Variants in CPXM2 observed in about 807,000 individuals in gnomAD.
CPXM2 encodes carboxypeptidase X, M14 family member 2.
CPXM2 carries 66 observed loss-of-function variants against 86.1 expected under a neutral mutation model. The ratio of observed to expected loss-of-function variants is 0.77; its 90% CI spans 0.63 to 0.94. CPXM2 has a LOEUF of 0.94. CPXM2 is among the 40% of genes least tolerant of loss of function. The pLI, the probability that CPXM2 is intolerant of heterozygous loss-of-function variation, is 0.00. For synonymous variants in CPXM2, 388 were observed against 400.2 expected, an observed-to-expected ratio of 0.97 and a Z score of 0.36; for missense variants, 948 against 1,026.3, an observed-to-expected ratio of 0.92 and a Z score of 1.04.
chr10:123,914,027 A>C (rs772718910), intron 2 of CPXM2: 2 of 497,400 alleles, frequency 4.0e-6, no homozygotes, highest in Non-Finnish European at 8.1e-6. Context: ...TCAGAATCCA[A>C]CCTTAAAGGC....
intron 4 of CPXM2, among the ~76,000 whole-genome samples, chr10:123,824,090 CA>C (rs1847991470): frequency 2.0e-5 from 3 of 152,186 alleles, no homozygotes; most frequent in African/African-American, 4.8e-5. Flanking sequence ...GTTACACATT[CA>C]GAGCAGGACT....
intron 13 of CPXM2, among the ~76,000 whole-genome samples, chr10:123,753,472 C>T (rs1187868571): frequency 6.6e-6 from 1 of 152,202 alleles, no homozygotes; most frequent in East Asian, 1.9e-4. Context: ...AAGCCAAACC[C>T]CACTAACCCC....
intron 1 of CPXM2, among the ~76,000 whole-genome samples, chr10:123,881,298 G>T (rs1365427090): frequency 7.8e-6 from 1 of 128,842 alleles, no homozygotes; most frequent in East Asian, 2.1e-4. Flanking sequence ...TACTGATCCT[G>T]AACATCTCAG....
In CPXM2 at chr10:123,746,435, C is replaced by A; in HGVS notation, c.*329G>T. ...ACGCAAACAGGGGAAGCACCAGAAT[C>A]CTTTTCTATGCAGCCAGAGGCTCTG... On this transcript the variant is annotated 3_prime_UTR_variant, in exon 14 of 14. Coordinates refer to ENST00000241305, the MANE Select transcript of CPXM2 (RefSeq NM_198148.3). The A allele has an allele frequency of 9.2e-6, 3 of 325,510 alleles. No individual in the cohort carries two copies. The highest frequency in any genetic ancestry group is 1.7e-5 in the Non-Finnish European group (3 of 177,846). The allele number at this position is 325,510 out of a possible 1,614,324, so 20.2% of individuals were successfully genotyped here.
chr10:123,932,088 T>G (rs1405496132), intron 2 of CPXM2, among the ~76,000 whole-genome samples: 2 of 152,100 alleles, frequency 1.3e-5, no homozygotes, highest in African/African-American at 4.8e-5. Flanking sequence ...CAGGTGAAAC[T>G]GTACAAGAGG....
intron 4 of CPXM2, among the ~76,000 whole-genome samples, chr10:123,815,648 C>T (rs76884389): frequency 0.013 from 1,958 of 152,238 alleles, 44 homozygotes; most frequent in African/African-American, 0.045. Flanking sequence ...GATGGCTTCC[C>T]CTGAGGCAAT....
Position 123,811,150 on chromosome 10 carries a change from C to CT in CPXM2, c.654-11952dup, listed in dbSNP as rs372146234. 4.3e-3 allele frequency among the ~76,000 whole-genome samples: 621 copies of CT among 145,578 alleles called. 4 individuals carry two copies. Among genetic ancestry groups the CT allele is most frequent in the South Asian group, 0.017 (81 of 4,636 alleles). On this transcript the variant is annotated intron_variant, in intron 4 of 13. Transcript: ENST00000241305. ...AAAATCATTTTTTTTTTTCTTTTTT[C>CT]TTTTTTTTTTTATTATAATTTAAGT...
chr10:123,762,144 A>G lies in CPXM2; in HGVS notation c.1505T>C (p.Ile502Thr). The G allele has an allele frequency of 6.2e-7, 1 of 1,614,146 alleles. No individual in the cohort carries two copies. Among genetic ancestry groups the G allele is most frequent in the Non-Finnish European group, 8.5e-7 (1 of 1,180,038 alleles). ...ATVAAETRAV[I>T]AWMEKIPFVL... is the part of the protein sequence containing the mutation. ...AAAAGGGATTTTTTCCATCCAGGCT[A>G]TGACTGCTCTGGTCTCGGCAGCCAC... The change falls in exon 11 of 14, where the codon ATA (isoleucine) becomes ACA (threonine). Residue 502 changes from isoleucine (I) to threonine (T), a missense_variant. Transcript: ENST00000241305.
chr10:123,810,610 CTTACACT>C (rs1847668602), intron 4 of CPXM2, among the ~76,000 whole-genome samples: 1 of 152,040 alleles, frequency 6.6e-6, no homozygotes, highest in Non-Finnish European at 1.5e-5. Flanking sequence ...AAATAAGGTA[CTTACACT>C]TACAAATAAA....
chr10:123,804,006 A>T lies in CPXM2; in HGVS notation c.654-4807T>A, dbSNP rs555753860. Among the ~76,000 whole-genome samples the T allele has an allele frequency of 5.3e-5, 8 of 152,256 alleles. No individual in the cohort carries two copies. The South Asian group carries it at 1.7e-3, about 32-fold the overall frequency. ...ATGGGCTTCCAGCTGACCTAGAACC[A>T]TTTATATGGTTATTTTCCTATTGCA... is the stretch of plus-strand genomic sequence containing the variant. On this transcript the variant is annotated intron_variant, in intron 4 of 13. Coordinates refer to ENST00000241305, the MANE Select transcript of CPXM2 (RefSeq NM_198148.3).
At chr10:123,777,730 G>C (rs1407779640) in intron 7 of CPXM2, 1 of 152,726 alleles carries the variant, frequency 6.5e-6, no homozygotes, top group East Asian at 1.9e-4. Context: ...ACGCACGTTG[G>C]ATGACAGCTG....
chr10:123,822,567 G>A (rs1293421469), intron 4 of CPXM2, among the ~76,000 whole-genome samples: 1 of 152,016 alleles, frequency 6.6e-6, no homozygotes, highest in Admixed American at 6.6e-5. Context: ...CGAGTTGGGG[G>A]AGGCACTTCT....
intron 4 of CPXM2, among the ~76,000 whole-genome samples, chr10:123,809,706 C>T (rs559871545): frequency 3.6e-4 from 50 of 138,512 alleles, no homozygotes; most frequent in South Asian, 2.2e-3. Context: ...CATAGGTATC[C>T]TATTATTGTT....
Position 123,842,362 on chromosome 10 carries a change from T to A in CPXM2, c.640A>T (p.Asn214Tyr). Residue 214 changes from asparagine to tyrosine, a missense_variant, in exon 4 of 14, where the codon AAC becomes TAC. Transcript: ENST00000241305. ...AGGTACACTCACAGCCAGAGGGAGT[T>A]CCTCCCTTGAGTGATGACACCAGTG... Reference protein sequence around the residue: ...RFTGVITQGRNSLWLSDWVTS... With the variant: ...RFTGVITQGRYSLWLSDWVTS... The A allele has an allele frequency of 6.2e-7, 1 of 1,614,168 alleles. No individual in the cohort carries two copies. The highest frequency in any genetic ancestry group is 8.5e-7 in the Non-Finnish European group (1 of 1,180,034).
intron 4 of CPXM2, among the ~76,000 whole-genome samples, chr10:123,834,493 T>A (rs1848237913): frequency 1.3e-5 from 2 of 152,300 alleles, no homozygotes; most frequent in South Asian, 4.1e-4. Context: ...AGAAGGCCTC[T>A]GAGCACAAGG....
At chr10:123,747,159 T>C in intron 13 of CPXM2, 142 bp from the exon 14 acceptor site, 2 of 1,011,848 alleles carry the variant, frequency 2.0e-6, no homozygotes, top group Non-Finnish European at 2.9e-6. Flanking sequence ...CAGATGCAAA[T>C]TCTTAATGCA....
Position 123,842,373 on chromosome 10 carries a change from G to A in CPXM2, c.629C>T (p.Thr210Ile). ...RRLTRFTGVI[T>I]QGRNSLWLSD... ...CAGCCAGAGGGAGTTCCTCCCTTGA[G>A]TGATGACACCAGTGAATCTGGTCAG... Residue 210 changes from threonine to isoleucine, a missense_variant, in exon 4 of 14, where the codon ACT becomes ATT. Thr to Ile is a moderately conservative substitution (Grantham distance 89). Coordinates refer to ENST00000241305, the MANE Select transcript of CPXM2 (RefSeq NM_198148.3). 1 of 1,614,268 alleles carries A rather than the reference G, an allele frequency of 6.2e-7. No individual in the cohort carries two copies. The highest frequency in any genetic ancestry group is 1.1e-5 in the South Asian group (1 of 91,088).
intron 3 of CPXM2, among the ~76,000 whole-genome samples, chr10:123,860,099 G>A (rs112013357): frequency 0.017 from 2,559 of 152,218 alleles, 68 homozygotes; most frequent in African/African-American, 0.058. Context: ...ACAAGGAAGG[G>A]GCAGATACAA....
rs189460160 is a variant in CPXM2 at position 123,839,163 on chromosome 10, A to G, written c.653+3186T>C. The stretch of plus-strand genomic sequence containing the variant: ...ATTTAAAACCTCATAATTTCATTTT[A>G]CCCTCACCACGTCTTTATGAGATCG... On this transcript the variant is annotated intron_variant, in intron 4 of 13. Coordinates refer to ENST00000241305, the MANE Select transcript of CPXM2 (RefSeq NM_198148.3). Among the ~76,000 whole-genome samples, 74 of 152,238 alleles carry G rather than the reference A, an allele frequency of 4.9e-4. No individual in the cohort carries two copies. In the Middle Eastern group the frequency reaches 0.01, roughly 21 times the overall value.
Sources: allele counts gnomAD v4.1 joint callset (sites outside exome capture counted in the v4.1 genomes callset), GRCh38; gene constraint gnomAD v4.1.1; transcripts MANE v1.5; gene names NCBI Gene and HGNC (gene_info 2026-07-23, HGNC 2026-07-21).